Variants in NR1I2 observed in about 807,000 individuals in gnomAD.
NR1I2 encodes the protein orphan nuclear receptor PAR1.
Under a neutral mutation model 43.3 loss-of-function variants are expected in NR1I2, and 42 were observed. The observed-to-expected ratio is 0.97, with a 90% confidence interval of 0.76 to 1.26. The LOEUF (loss-of-function observed/expected upper bound fraction) is 1.26, where lower values mean the gene tolerates loss of function less well. Ranked by LOEUF, NR1I2 falls within the 50% of genes most tolerant of loss-of-function variation. The probability of loss-of-function intolerance (pLI) is 0.00; values close to 1 mark genes in which losing one functional copy is unlikely to be tolerated. For synonymous variants in NR1I2, 229 were observed against 215.0 expected (o/e 1.06, Z -0.57); for missense variants, 559 against 566.7 (o/e 0.99, Z 0.14).
chr3:119,805,239 TTTTGG>T (rs761921739), intron 1 of NR1I2, among the ~76,000 whole-genome samples: 15 of 152,228 alleles, frequency 9.9e-5, no homozygotes, highest in Non-Finnish European at 1.5e-4. Flanking sequence ...CTAGAAGTTT[TTTTGG>T]TTTGTTTTGT....
At chr3:119,808,562 G>A (rs1477791545) in intron 2 of NR1I2, among the ~76,000 whole-genome samples, 1 of 152,228 alleles carries the variant, frequency 6.6e-6, no homozygotes, top group Non-Finnish European at 1.5e-5. Flanking sequence ...CAGTGTTCGT[G>A]CATCCTGCCT....
rs537873676 is a variant in NR1I2, at chr3:119,817,172, C to T, written c.1265C>T (p.Thr422Met). 1.5e-5 allele frequency: 24 copies of T among 1,614,090 alleles called. No homozygotes were observed. The highest frequency in any genetic ancestry group is 6.7e-5 in the East Asian group (3 of 44,900). The change falls in exon 9 of 9, where the codon ACG becomes ATG. Residue 422 changes from threonine to methionine, a missense_variant. By Grantham distance (81) the Thr-to-Met change is moderately conservative. Transcript: ENST00000393716. ...ATCCAGGACATACACCCCTTTGCTA[C>T]GCCCCTCATGCAGGAGTTGTTCGGC...
At position 119,818,276 on chromosome 3, in the gene NR1I2, A is replaced by T; in HGVS notation, c.*1064A>T. ...GAGAAGAACCATTTACATGCACCTT[A>T]TATTTCTGTGTACACATCTATTCTC... On this transcript the variant is annotated 3_prime_UTR_variant, in exon 9 of 9. Transcript: ENST00000393716. The T allele has an allele frequency of 1.0e-6, 1 of 985,554 alleles. No individual in the cohort carries two copies. Among genetic ancestry groups the T allele is most frequent in the Non-Finnish European group, 1.2e-6 (1 of 829,932 alleles). The allele number at this position is 985,554 out of a possible 1,614,324, so 61.1% of individuals were successfully genotyped here.
At position 119,812,848 on chromosome 3, in the gene NR1I2, C is replaced by T. The variant is rs993502856; in HGVS notation, c.682C>T (p.Pro228Ser). The change falls in exon 5 of 9, where the codon CCA becomes TCA. Residue 228 changes from proline to serine, a missense_variant. By Grantham distance (74) the Pro-to-Ser change is moderately conservative. Coordinates refer to ENST00000393716, the MANE Select transcript of NR1I2 (RefSeq NM_003889.4). ...TGGCAGTGTCTGGAACTACAAACCCCCAGCCGACAGTGGCGGGAAAGAGAT... is the reference window on the plus strand; with the variant it reads ...TGGCAGTGTCTGGAACTACAAACCCTCAGCCGACAGTGGCGGGAAAGAGAT... 4 of 1,614,104 alleles carry T rather than the reference C, an allele frequency of 2.5e-6. No individual in the cohort carries two copies. Among genetic ancestry groups the T allele is most frequent in the Non-Finnish European group, 2.5e-6 (3 of 1,180,046 alleles).
At position 119,817,546 on chromosome 3, in the gene NR1I2, G is replaced by A. The variant is rs909116062; in HGVS notation, c.*334G>A. The A allele has an allele frequency of 3.3e-6, 4 of 1,212,986 alleles. No individual in the cohort carries two copies. The highest frequency in any genetic ancestry group is 4.2e-6 in the Non-Finnish European group (4 of 959,376). The allele number at this position is 1,212,986 out of a possible 1,614,324, so 75.1% of individuals were successfully genotyped here. ...GAGAAATCCCTCAGATCCCACTAAAGTGTCAAGGTGTGGAAGGGACCAAGC... is the reference window on the plus strand; with the variant it reads ...GAGAAATCCCTCAGATCCCACTAAAATGTCAAGGTGTGGAAGGGACCAAGC... On this transcript the variant is annotated 3_prime_UTR_variant, in exon 9 of 9. Transcript: ENST00000393716.
intron 1 of NR1I2, among the ~76,000 whole-genome samples, chr3:119,783,044 T>A (rs575614425): frequency 1.3e-5 from 2 of 152,262 alleles, no homozygotes; most frequent in East Asian, 3.9e-4. Context: ...CTGAGGCCAC[T>A]GAGTCTTGAC....
At chr3:119,816,865 A>T (rs2055337058) in intron 8 of NR1I2, among the ~76,000 whole-genome samples, 1 of 149,770 alleles carries the variant, frequency 6.7e-6, no homozygotes, top group African/African-American at 2.5e-5. Flanking sequence ...CATGAATGGG[A>T]TGGGAGTGGG....
At chr3:119,800,058 G>C (rs1355022225) in intron 1 of NR1I2, among the ~76,000 whole-genome samples, 1 of 151,968 alleles carries the variant, frequency 6.6e-6, no homozygotes, top group East Asian at 1.9e-4. Flanking sequence ...TCACATCTAA[G>C]AAATCTTTCC....
In NR1I2 at chr3:119,792,239, C is replaced by T. The variant is rs559290340; in HGVS notation, c.-23+9939C>T. 7.8e-6 allele frequency: 12 copies of T among 1,539,404 alleles called. No individual in the cohort carries two copies. The African/African-American group carries it at 1.5e-4, about 19-fold the overall frequency. On this transcript the variant is annotated intron_variant, in intron 1 of 8. Coordinates refer to ENST00000393716, the MANE Select transcript of NR1I2 (RefSeq NM_003889.4). ...CTCGCTTTGATGCTGGAGAACTAAT[C>T]ACCCAGAGAGAACTGGTCTCCAGGC... is the stretch of plus-strand genomic sequence containing the variant.
chr3:119,815,847 G>A lies in NR1I2; in HGVS notation c.1160+16G>A. 1.3e-6 allele frequency: 2 copies of A among 1,587,630 alleles called. No homozygotes were observed. The highest frequency in any genetic ancestry group is 8.6e-7 in the Non-Finnish European group (1 of 1,163,580). The stretch of plus-strand genomic sequence containing the variant: ...CTGCTCATAGGTGAGCACAGCAGGG[G>A]GTGAGGACCCGTGAGGGTGATGTGA... On this transcript the variant is annotated intron_variant, in intron 8 of 8. Coordinates refer to ENST00000393716, the MANE Select transcript of NR1I2 (RefSeq NM_003889.4).
intron 1 of NR1I2, among the ~76,000 whole-genome samples, chr3:119,801,760 G>A (rs1038681854): frequency 1.3e-5 from 2 of 152,242 alleles, no homozygotes; most frequent in Admixed American, 1.3e-4. Context: ...CCTTGGCCAA[G>A]GCTGCAGTCA....
chr3:119,816,880 G>A (rs142607850), intron 8 of NR1I2, among the ~76,000 whole-genome samples, 188 bp from the exon 9 acceptor site: 105 of 151,508 alleles, frequency 6.9e-4, no homozygotes, highest in African/African-American at 2.5e-3. Context: ...AGTGGGGAGA[G>A]TATTGGGCAG....
chr3:119,784,166 C>A (rs1480403267), intron 1 of NR1I2, among the ~76,000 whole-genome samples: 1 of 152,220 alleles, frequency 6.6e-6, no homozygotes, highest in Non-Finnish European at 1.5e-5. Context: ...ACCGACTGTA[C>A]TCCCACCAGC....
intron 1 of NR1I2, among the ~76,000 whole-genome samples, chr3:119,793,979 C>T (rs1396969466): frequency 3.3e-5 from 5 of 152,104 alleles, no homozygotes; most frequent in African/African-American, 7.2e-5. Context: ...ATATTCTCTT[C>T]GGTACATAAT....
chr3:119,783,813 A>C (rs1032922635), intron 1 of NR1I2, among the ~76,000 whole-genome samples: 3 of 152,152 alleles, frequency 2.0e-5, no homozygotes, highest in Admixed American at 2.0e-4. Flanking sequence ...CTATGCATAG[A>C]TGGACTATTA....
chr3:119,786,636 T>G (rs2054846899), intron 1 of NR1I2, among the ~76,000 whole-genome samples: 1 of 152,224 alleles, frequency 6.6e-6, no homozygotes, highest in Non-Finnish European at 1.5e-5. Flanking sequence ...CTGTGTGTAC[T>G]TATGACCTGG....
Position 119,817,320 on chromosome 3 carries a change from T to C in NR1I2, c.*108T>C, listed in dbSNP as rs2055345219. The stretch of plus-strand genomic sequence containing the variant: ...ACACTGCCAAGAGCCGACAATGCCC[T>C]GCTGGCCTGTCTCCCTAGGGAATTC... On this transcript the variant is annotated 3_prime_UTR_variant, in exon 9 of 9. Coordinates refer to ENST00000393716, the MANE Select transcript of NR1I2 (RefSeq NM_003889.4). 1 of 1,589,518 alleles carries C rather than the reference T, an allele frequency of 6.3e-7. No homozygotes were observed. Among genetic ancestry groups the C allele is most frequent in the African/African-American group, 1.3e-5 (1 of 74,662 alleles).
At chr3:119,807,134 T>G (rs188735462) in intron 1 of NR1I2, 95 bp from the exon 2 acceptor site, 4 of 1,126,234 alleles carry the variant, frequency 3.6e-6, no homozygotes. Context: ...CAGGCCCAAA[T>G]GTGAGTGATG....
At chr3:119,789,084 C>G (rs1207732001) in intron 1 of NR1I2, among the ~76,000 whole-genome samples, 1 of 152,162 alleles carries the variant, frequency 6.6e-6, no homozygotes, top group Non-Finnish European at 1.5e-5. Flanking sequence ...ATTGTAAGCA[C>G]AGGCTCCAGG....
Sources: gnomAD v4.1 joint callset for allele counts (sites outside exome capture counted in the v4.1 genomes callset) on GRCh38, gnomAD v4.1.1 for gene constraint, MANE v1.5 for transcripts, NCBI Gene and HGNC (gene_info 2026-07-23, HGNC 2026-07-21) for gene names.